PAK1: variants seen among roughly 807,000 people sequenced by gnomAD.
The protein encoded by PAK1 is serine/threonine-protein kinase PAK 1.
In PAK1, 29 loss-of-function variants were observed where a neutral mutation model predicts 67.4. The ratio of observed to expected loss-of-function variants is 0.43; its 90% CI spans 0.32 to 0.59. PAK1 has a LOEUF of 0.59. Ranked by LOEUF, PAK1 falls within the 20% of genes least tolerant of loss-of-function variation. The pLI, the probability that PAK1 is intolerant of heterozygous loss-of-function variation, is 0.07. For missense variants in PAK1, 337 were observed against 670.7 expected (o/e 0.50, Z 5.50); for synonymous variants, 223 against 237.4 (o/e 0.94, Z 0.56).
the PAK1 span, among the ~76,000 whole-genome samples, chr11:77,488,092 G>T: frequency 4.7e-4 from 72 of 152,304 alleles, no homozygotes; most frequent in Non-Finnish European, 8.7e-4. Context: ...GACTTTATGT[G>T]TTTGGGAGAA....
intron 1 of PAK1, among the ~76,000 whole-genome samples, chr11:77,448,317 T>C (rs1181569547): frequency 6.6e-6 from 1 of 152,270 alleles, no homozygotes; most frequent in Non-Finnish European, 1.5e-5. Flanking sequence ...TTTCCTCTTT[T>C]ATTGACCACC....
At chr11:77,480,926 G>GC in the PAK1 span, among the ~76,000 whole-genome samples, 1 of 152,158 alleles carries the variant, frequency 6.6e-6, no homozygotes, top group Non-Finnish European at 1.5e-5. Context: ...TGTGTGCCCA[G>GC]CTTCTAGAAA....
intron 2 of PAK1, among the ~76,000 whole-genome samples, chr11:77,389,744 T>C (rs771999402): frequency 9.2e-5 from 14 of 152,248 alleles, no homozygotes; most frequent in Non-Finnish European, 2.1e-4. Flanking sequence ...TCTTCACATA[T>C]TTTAGATACA....
intron 14 of PAK1, chr11:77,325,310 CCTGGAT>C (rs1284341759): frequency 1.2e-6 from 2 of 1,613,798 alleles, no homozygotes; most frequent in Non-Finnish European, 1.7e-6. Context: ...AGGCTGAAAT[CCTGGAT>C]CTGCTACTTA....
At chr11:77,490,297 C>CCT in the PAK1 span, among the ~76,000 whole-genome samples, 1 of 148,298 alleles carries the variant, frequency 6.7e-6, no homozygotes, top group African/African-American at 2.5e-5. Flanking sequence ...TCAGCCCCCC[C>CCT]ACCCGGCCAG....
At chr11:77,509,502 T>C in the PAK1 span, among the ~76,000 whole-genome samples, 27 of 152,318 alleles carry the variant, frequency 1.8e-4, no homozygotes, top group East Asian at 1.2e-3. Flanking sequence ...CCCAGGCCAA[T>C]TGTGGCAACC....
intron 1 of PAK1, among the ~76,000 whole-genome samples, chr11:77,463,375 AT>A (rs1182468020): frequency 1.3e-5 from 2 of 152,286 alleles, no homozygotes; most frequent in East Asian, 1.9e-4. Flanking sequence ...TTTAAAAAAA[AT>A]TTTTAACGTA....
intron 4 of PAK1, among the ~76,000 whole-genome samples, chr11:77,377,743 C>A (rs575848118): frequency 6.6e-6 from 1 of 152,284 alleles, no homozygotes; most frequent in East Asian, 1.9e-4. Flanking sequence ...AAGATCCTTG[C>A]AAAGACTTGG....
chr11:77,514,363 C>G, the PAK1 span, among the ~76,000 whole-genome samples: 1 of 151,954 alleles, frequency 6.6e-6, no homozygotes, highest in Admixed American at 6.6e-5. Context: ...GGTGTAGTGG[C>G]GGACACCTGT....
In PAK1 at chr11:77,349,197, G is replaced by A. The variant is rs747350642; in HGVS notation, c.885+42C>T. On this transcript the variant is annotated intron_variant, in intron 9 of 14. Coordinates refer to ENST00000356341, the MANE Select transcript of PAK1 (RefSeq NM_002576.5). ...GCTAAAAATTAATCCCAAATAAAAA[G>A]AAACAGAACTAAAGGAGCAACAGTG... 6 of 1,406,058 alleles carry A rather than the reference G, an allele frequency of 4.3e-6. No individual in the cohort carries two copies. The African/African-American group carries it at 8.5e-5, about 20-fold the overall frequency. The allele number at this position is 1,406,058 out of a possible 1,614,324, so 87.1% of individuals were successfully genotyped here.
At chr11:77,373,301 G>A (rs578016039) in intron 5 of PAK1, among the ~76,000 whole-genome samples, 3 of 152,178 alleles carry the variant, frequency 2.0e-5, no homozygotes, top group East Asian at 1.9e-4. Flanking sequence ...TTGGGAGGTC[G>A]AGGCAGGAGG....
intron 1 of PAK1, among the ~76,000 whole-genome samples, chr11:77,448,617 A>G (rs1288012548): frequency 2.0e-5 from 3 of 152,236 alleles, no homozygotes; most frequent in Non-Finnish European, 2.9e-5. Context: ...ACAGCAAGCA[A>G]AGGAAAACAT....
chr11:77,347,169 C>T (rs1289056018), intron 9 of PAK1: 5 of 438,782 alleles, frequency 1.1e-5, no homozygotes, highest in Admixed American at 2.5e-5. Context: ...CCACAAGACA[C>T]GCATACAATG....
chr11:77,440,173 T>C (rs1956292158), intron 1 of PAK1, among the ~76,000 whole-genome samples: 1 of 152,218 alleles, frequency 6.6e-6, no homozygotes, highest in Non-Finnish European at 1.5e-5. Flanking sequence ...GTACTGATTT[T>C]GTTACTCTGC....
chr11:77,526,858 G>A, the PAK1 span, among the ~76,000 whole-genome samples: 3 of 151,644 alleles, frequency 2.0e-5, no homozygotes, highest in Non-Finnish European at 4.4e-5. Flanking sequence ...GGAAGTTGCA[G>A]TGAGCCAAGA....
At chr11:77,492,169 C>T in the PAK1 span, among the ~76,000 whole-genome samples, 3 of 152,084 alleles carry the variant, frequency 2.0e-5, no homozygotes, top group Non-Finnish European at 4.4e-5. Flanking sequence ...ATTCCCTCCT[C>T]TCAAAGAGCT....
chr11:77,329,075 C>T (rs1161768813), intron 14 of PAK1: 2 of 152,222 alleles, frequency 1.3e-5, no homozygotes, highest in Non-Finnish European at 2.9e-5. Flanking sequence ...CCTCCCAAGA[C>T]TAAACCAGGA....
At chr11:77,340,535 T>C (rs1263560171) in intron 11 of PAK1, 111 bp downstream of exon 11, 1 of 719,234 alleles carries the variant, frequency 1.4e-6, no homozygotes, top group Non-Finnish European at 2.6e-6. Context: ...TCAGCACTAA[T>C]TTCTACCAAT....
chr11:77,491,636 G>C, the PAK1 span, among the ~76,000 whole-genome samples: 2 of 151,962 alleles, frequency 1.3e-5, no homozygotes, highest in African/African-American at 4.8e-5. Context: ...TTAAAAAATG[G>C]GTTATAAAAT....
Sources: allele counts gnomAD v4.1 joint callset (sites outside exome capture counted in the v4.1 genomes callset), GRCh38; gene constraint gnomAD v4.1.1; transcripts MANE v1.5; gene names NCBI Gene and HGNC (gene_info 2026-07-23, HGNC 2026-07-21).